Variants in GOLGA8B observed in about 807,000 individuals in gnomAD.
GOLGA8B encodes the protein golgin A8 family member B.
GOLGA8B carries 1 observed loss-of-function variant against 15.6 expected under a neutral mutation model. The observed-to-expected ratio is 0.06, with a 90% CI of 0.02 to 0.30. The LOEUF is 0.30. Among genes scored for constraint, GOLGA8B ranks in the 10% least tolerant of loss-of-function variants. The probability of loss-of-function intolerance (pLI) is 1.00; values close to 1 mark genes in which losing one functional copy is unlikely to be tolerated. For missense variants in GOLGA8B, 17 were observed against 201.3 expected (o/e 0.08, Z 5.54); for synonymous variants, 9 against 80.3 (o/e 0.11, Z 4.75).
At chr15:34,577,578 CAG>C (rs1318011998) in intron 1 of GOLGA8B, among the ~76,000 whole-genome samples, 1 of 146,356 alleles carries the variant, frequency 6.8e-6, no homozygotes, top group Non-Finnish European at 1.5e-5. Flanking sequence ...CACTTAATGA[CAG>C]GGATGTATTC....
At chr15:34,567,823 T>A in intron 1 of GOLGA8B, among the ~76,000 whole-genome samples, 1 of 151,800 alleles carries the variant, frequency 6.6e-6, no homozygotes, top group East Asian at 1.9e-4. Context: ...GCTGCATGGG[T>A]TGAGGCACTG....
intron 1 of GOLGA8B, 123 bp from the exon 2 acceptor site, chr15:34,554,079 C>CTA (rs1313913712): frequency 2.8e-5 from 4 of 141,376 alleles, no homozygotes; most frequent in Admixed American, 1.4e-4. Context: ...AGGACAGTCC[C>CTA]CACTTGGCTG....
intron 1 of GOLGA8B, among the ~76,000 whole-genome samples, chr15:34,578,294 G>A (rs904717544): frequency 7.9e-5 from 12 of 152,176 alleles, no homozygotes; most frequent in Non-Finnish European, 1.0e-4. Flanking sequence ...AAGCTCCCAC[G>A]CCCTTTCCCC....
rs886431100 is a variant in GOLGA8B at position 34,568,988 on chromosome 15, G to A, written c.-1123+14528C>T. 1.3e-5 allele frequency among the ~76,000 whole-genome samples: 2 copies of A among 149,996 alleles called. 1 individual carries two copies. Among genetic ancestry groups the A allele is most frequent in the African/African-American group, 5.1e-5 (2 of 39,400 alleles). ...TCTCTCTCTCATGCTGATTCTGCAG[G>A]CATTCTACAGGCCTCCCATGTCCCA... On this transcript the variant is annotated intron_variant, in intron 1 of 23. Coordinates refer to ENST00000683415, the MANE Select transcript of GOLGA8B (RefSeq NM_001023567.5).
At chr15:34,581,084 A>T (rs986715340) in intron 1 of GOLGA8B, among the ~76,000 whole-genome samples, 5 of 152,202 alleles carry the variant, frequency 3.3e-5, no homozygotes, top group Non-Finnish European at 7.3e-5. Context: ...TGATGTGTGC[A>T]GGGCCTCGAT....
intron 1 of GOLGA8B, among the ~76,000 whole-genome samples, chr15:34,572,566 T>A (rs1295092138): frequency 6.6e-6 from 1 of 152,238 alleles, no homozygotes; most frequent in Non-Finnish European, 1.5e-5. Flanking sequence ...AAAATACTTT[T>A]AAAATATGTA....
rs36115919 is a variant in GOLGA8B at position 34,574,658 on chromosome 15, A to G, written c.-1123+8858T>C. On this transcript the variant is annotated intron_variant, in intron 1 of 23. Coordinates refer to ENST00000683415, the MANE Select transcript of GOLGA8B (RefSeq NM_001023567.5). ...AGTAGCAGGCCTTTCCAGCTACAGC[A>G]CATGGAAGTAACAAAGGTAGCCTCA... 1.1e-4 allele frequency among the ~76,000 whole-genome samples: 16 copies of G among 152,256 alleles called. No individual in the cohort carries two copies. The East Asian group carries it at 1.2e-3, about 11-fold the overall frequency.
At chr15:34,572,985 T>C (rs1386310002) in intron 1 of GOLGA8B, among the ~76,000 whole-genome samples, 1 of 152,204 alleles carries the variant, frequency 6.6e-6, no homozygotes, top group Non-Finnish European at 1.5e-5. Context: ...TACAGTGGCA[T>C]GTACCTGTAG....
intron 1 of GOLGA8B, among the ~76,000 whole-genome samples, chr15:34,578,821 C>T (rs1302836231): frequency 1.3e-5 from 2 of 152,116 alleles, no homozygotes; most frequent in Non-Finnish European, 2.9e-5. Flanking sequence ...GGTATCTCAA[C>T]CACATATTTT....
Position 34,576,481 on chromosome 15 carries a change from C to A in GOLGA8B, c.-1123+7035G>T, listed in dbSNP as rs1889085380. Among the ~76,000 whole-genome samples, 4 of 152,212 alleles carry A rather than the reference C, an allele frequency of 2.6e-5. No individual in the cohort carries two copies. In the South Asian group the frequency reaches 6.2e-4, roughly 24 times the overall value. On this transcript the variant is annotated intron_variant, in intron 1 of 23. Transcript: ENST00000683415. ...CCCAACACAGCACAAAGACGTCTTC[C>A]CCAACAACCACACATCCCACCTGCA...
chr15:34,564,355 T>TTA (rs530527773), intron 1 of GOLGA8B, among the ~76,000 whole-genome samples: 11,465 of 105,800 alleles, frequency 0.11, 500 homozygotes, highest in Non-Finnish European at 0.16. Context: ...TGTAGATTCT[T>TTA]AAAAAAAAAA....
chr15:34,577,891 A>G (rs976665645), intron 1 of GOLGA8B, among the ~76,000 whole-genome samples: 3 of 152,196 alleles, frequency 2.0e-5, no homozygotes, highest in Non-Finnish European at 4.4e-5. Flanking sequence ...CTTTATAAAC[A>G]TTGTACAGTT....
intron 1 of GOLGA8B, among the ~76,000 whole-genome samples, chr15:34,581,206 G>A (rs545168282): frequency 2.7e-4 from 41 of 152,360 alleles, no homozygotes; most frequent in East Asian, 1.5e-3. Context: ...GCAGGTATGC[G>A]TGGCAGAGGA....
chr15:34,576,663 C>G (rs562592805), intron 1 of GOLGA8B, among the ~76,000 whole-genome samples: 1 of 152,196 alleles, frequency 6.6e-6, no homozygotes, highest in Non-Finnish European at 1.5e-5. Context: ...ATGCCATTCC[C>G]GAGAGAATCA....
At chr15:34,561,310 A>G (rs1166597731) in intron 1 of GOLGA8B, among the ~76,000 whole-genome samples, 6 of 150,810 alleles carry the variant, frequency 4.0e-5, no homozygotes, top group Non-Finnish European at 1.5e-5. Context: ...TTGTAGTAAT[A>G]CACTTGTAAC....
rs71119971 is a variant in GOLGA8B, at chr15:34,565,135, CTTTT to C, written c.-1122-11183_-1122-11180del. ...AGGTCAGCCTCTTAGATCCAGTTCT[CTTTT>C]TTTTTTTTTTTTTGAGACGGAGTCT... On this transcript the variant is annotated intron_variant, in intron 1 of 23. Transcript: ENST00000683415. Among the ~76,000 whole-genome samples, 12 of 106,930 alleles carry C rather than the reference CTTTT, an allele frequency of 1.1e-4. 1 individual carries two copies. Among genetic ancestry groups the C allele is most frequent in the Non-Finnish European group, 1.8e-4 (8 of 45,316 alleles). The allele number at this position is 106,930 out of a possible 152,430, so 70.2% of individuals were successfully genotyped here.
chr15:34,575,053 G>C (rs1364037154), intron 1 of GOLGA8B: 2 of 149,454 alleles, frequency 1.3e-5, no homozygotes, highest in Admixed American at 1.4e-4. Flanking sequence ...TGCTGTTCCC[G>C]CTCCTTCTTG....
chr15:34,580,944 T>G (rs1404905511), intron 1 of GOLGA8B, among the ~76,000 whole-genome samples: 1 of 152,138 alleles, frequency 6.6e-6, no homozygotes, highest in East Asian at 1.9e-4. Flanking sequence ...TGAGACTGGG[T>G]TGAGGACACA....
intron 1 of GOLGA8B, among the ~76,000 whole-genome samples, chr15:34,567,662 T>C (rs1321771479): frequency 2.0e-5 from 3 of 151,728 alleles, no homozygotes; most frequent in African/African-American, 2.4e-5. Flanking sequence ...GGGTTTAAAA[T>C]TGAAAATCAA....
Sources: gnomAD v4.1 joint callset for allele counts (sites outside exome capture counted in the v4.1 genomes callset) on GRCh38, gnomAD v4.1.1 for gene constraint, MANE v1.5 for transcripts, NCBI Gene and HGNC (gene_info 2026-07-23, HGNC 2026-07-21) for gene names.